The following SLC2A13 variants were observed in gnomAD, a reference collection of about 807,000 sequenced individuals.
SLC2A13 encodes proton myo-inositol cotransporter.
Under a neutral mutation model 64.4 loss-of-function variants are expected in SLC2A13, and 32 were observed. The observed-to-expected ratio is 0.50, with a 90% CI of 0.37 to 0.67. The LOEUF (loss-of-function observed/expected upper bound fraction) is 0.67, where lower values mean the gene tolerates loss of function less well. SLC2A13 is among the 30% of genes least tolerant of loss of function. The pLI, the probability that SLC2A13 is intolerant of heterozygous loss-of-function variation, is 0.00. For missense variants in SLC2A13, 743 were observed against 829.2 expected, an observed-to-expected ratio of 0.90 and a Z score of 1.28; for synonymous variants, 338 against 327.1, an observed-to-expected ratio of 1.03 and a Z score of -0.36.
intron 7 of SLC2A13, among the ~76,000 whole-genome samples, chr12:39,783,708 G>T (rs1941081328): frequency 1.3e-5 from 2 of 152,092 alleles, no homozygotes; most frequent in African/African-American, 4.8e-5. Flanking sequence ...CCCACTTTTT[G>T]GGGGTTGTTT....
intron 6 of SLC2A13, among the ~76,000 whole-genome samples, chr12:39,855,521 C>T (rs752168389): frequency 1.3e-5 from 2 of 152,158 alleles, no homozygotes; most frequent in Non-Finnish European, 2.9e-5. Flanking sequence ...TTTGCAATTA[C>T]GTATCTGCAT....
chr12:39,873,016 T>A (rs1171543046), intron 4 of SLC2A13, among the ~76,000 whole-genome samples: 1 of 152,236 alleles, frequency 6.6e-6, no homozygotes, highest in East Asian at 1.9e-4. Flanking sequence ...ATCAAATCTG[T>A]TTTGAATACG....
Position 40,105,668 on chromosome 12 carries a change from C to T in SLC2A13, c.141G>A (p.Ser47=). 6.7e-7 allele frequency: 1 copy of T among 1,491,652 alleles called. No homozygotes were observed. Among genetic ancestry groups the T allele is most frequent in the Non-Finnish European group, 8.9e-7 (1 of 1,122,730 alleles). 92.4% of individuals were successfully genotyped at this position (1,491,652 alleles called of 1,614,324 possible). The change falls in exon 1 of 10, where the codon TCG becomes TCA. Residue 47 remains serine (S), a synonymous_variant. Transcript: ENST00000280871. The surrounding 1 kb of genome is among the most constrained non-coding windows in gnomAD (Gnocchi z 4.2). ...CGCCCGCGCTCTGCAGGCTGGTGCT[C>T]GATTCGGCGGCAGCCAGGAGGCTGC... is the stretch of plus-strand genomic sequence containing the variant. ...GECSLLAAAE[S]STSLQSAGAG... is the part of the protein sequence containing the mutation.
At chr12:39,777,919 C>T (rs1940834616) in intron 7 of SLC2A13, among the ~76,000 whole-genome samples, 1 of 152,224 alleles carries the variant, frequency 6.6e-6, no homozygotes, top group Non-Finnish European at 1.5e-5. Context: ...AGCCCTCTGT[C>T]CCTGCAGTAA....
chr12:39,840,088 A>T (rs1943140832), intron 6 of SLC2A13, among the ~76,000 whole-genome samples: 1 of 151,684 alleles, frequency 6.6e-6, no homozygotes, highest in Non-Finnish European at 1.5e-5. Context: ...CTGGAGTGCA[A>T]TGGTGTGATC....
At chr12:39,811,823 C>A (rs1942171452) in intron 7 of SLC2A13, among the ~76,000 whole-genome samples, 1 of 152,034 alleles carries the variant, frequency 6.6e-6, no homozygotes, top group South Asian at 2.1e-4. Context: ...TGTCTGTTTC[C>A]ATCCCCATTT....
At chr12:39,983,019 C>T (rs1365833858) in intron 3 of SLC2A13, among the ~76,000 whole-genome samples, 102 of 146,998 alleles carry the variant, frequency 6.9e-4, no homozygotes, top group African/African-American at 2.2e-3. Flanking sequence ...TCAGAAATAA[C>T]GCCGCATACC....
chr12:39,949,540 T>C (rs1946193371), intron 4 of SLC2A13: 1 of 152,184 alleles, frequency 6.6e-6, no homozygotes, highest in African/African-American at 2.4e-5. Flanking sequence ...ATCAGCTCAA[T>C]TTACACTAGC....
At chr12:39,998,098 C>T (rs1051278669) in intron 3 of SLC2A13, among the ~76,000 whole-genome samples, 4 of 152,086 alleles carry the variant, frequency 2.6e-5, no homozygotes, top group Non-Finnish European at 5.9e-5. Context: ...CAATTAGCAA[C>T]TGCAAAAATG....
chr12:39,984,583 G>T (rs1946994009), intron 3 of SLC2A13, among the ~76,000 whole-genome samples: 1 of 152,052 alleles, frequency 6.6e-6, no homozygotes, highest in Non-Finnish European at 1.5e-5. Context: ...AAGGTTTAAT[G>T]CAGAAGTTCT....
chr12:40,058,571 C>A (rs1948370043), intron 1 of SLC2A13, among the ~76,000 whole-genome samples: 1 of 152,142 alleles, frequency 6.6e-6, no homozygotes, highest in Non-Finnish European at 1.5e-5. Context: ...TCATTTGATT[C>A]TCTTTACTAT....
chr12:39,879,486 G>A (rs754426633), intron 4 of SLC2A13, among the ~76,000 whole-genome samples: 1 of 152,236 alleles, frequency 6.6e-6, no homozygotes, highest in South Asian at 2.1e-4. Context: ...CCTTGCATCA[G>A]TGTTCCCTGG....
rs571187491 is a variant in SLC2A13, at chr12:39,883,629, T to A, written c.1035-11668A>T. ...AAAACACTGCTCTTGGCACTGACTCTCAAAACGGTATTAAGACTGTTTTAT... is the reference window on the plus strand; with the variant it reads ...AAAACACTGCTCTTGGCACTGACTCACAAAACGGTATTAAGACTGTTTTAT... On this transcript the variant is annotated intron_variant, in intron 4 of 9. Coordinates refer to ENST00000280871, the MANE Select transcript of SLC2A13 (RefSeq NM_052885.4). Among the ~76,000 whole-genome samples the A allele has an allele frequency of 5.9e-5, 9 of 152,326 alleles. No individual in the cohort carries two copies. The East Asian group carries it at 9.6e-4, about 16-fold the overall frequency.
intron 3 of SLC2A13, among the ~76,000 whole-genome samples, chr12:39,978,200 A>G (rs1480699144): frequency 6.6e-6 from 1 of 152,228 alleles, no homozygotes; most frequent in African/African-American, 2.4e-5. Flanking sequence ...TGAGCAACAA[A>G]TGGCAGCATC....
chr12:40,097,429 A>C (rs1427533265), intron 1 of SLC2A13, among the ~76,000 whole-genome samples: 2 of 152,198 alleles, frequency 1.3e-5, no homozygotes, highest in African/African-American at 4.8e-5. Flanking sequence ...ACAGTGAAAA[A>C]GCAACCAATG....
At chr12:40,066,657 T>A (rs547563361) in intron 1 of SLC2A13, among the ~76,000 whole-genome samples, 1 of 152,128 alleles carries the variant, frequency 6.6e-6, no homozygotes, top group Admixed American at 6.5e-5. Context: ...TAAAAACACA[T>A]AATTATGATG....
intron 1 of SLC2A13, among the ~76,000 whole-genome samples, chr12:40,049,655 T>C (rs1461897240): frequency 6.6e-6 from 1 of 152,142 alleles, no homozygotes; most frequent in Non-Finnish European, 1.5e-5. Context: ...CCAAACTCTC[T>C]CCTAATGCCA....
Position 39,966,215 on chromosome 12 carries a change from G to A in SLC2A13, c.926-14850C>T, listed in dbSNP as rs936018345. Among the ~76,000 whole-genome samples the A allele has an allele frequency of 8.6e-5, 13 of 151,828 alleles. No individual in the cohort carries two copies. In the Middle Eastern group the frequency reaches 0.01, roughly 119 times the overall value. On this transcript the variant is annotated intron_variant, in intron 3 of 9. Transcript: ENST00000280871. ...ATATGTATAAATACATAAATACAGC[G>A]TGAGAGAGAGAGGTTTTGTAGTTAC...
intron 3 of SLC2A13, among the ~76,000 whole-genome samples, chr12:40,024,826 A>G (rs1542594): frequency 0.23 from 35,018 of 152,068 alleles, 4,431 homozygotes; most frequent in Middle Eastern, 0.36. Context: ...CAGACCTTGG[A>G]GTTATTATAA....
Sources: gnomAD v4.1 joint callset for allele counts (sites outside exome capture counted in the v4.1 genomes callset) on GRCh38, gnomAD v4.1.1 for gene constraint, Gnocchi (gnomAD v3.1) non-coding constraint, MANE v1.5 for transcripts, NCBI Gene and HGNC (gene_info 2026-07-23, HGNC 2026-07-21) for gene names.